Variants in GRAMD2B observed in about 807,000 individuals in gnomAD.
The protein encoded by GRAMD2B is GRAM domain containing 2B.
GRAMD2B carries 41 observed loss-of-function variants against 59.2 expected under a neutral mutation model. That is an observed-to-expected ratio of 0.69 (90% CI 0.54 to 0.90). The LOEUF (loss-of-function observed/expected upper bound fraction) is 0.90, where lower values mean the gene tolerates loss of function less well. Ranked by LOEUF, GRAMD2B falls within the 40% of genes least tolerant of loss-of-function variation. The pLI is 0.00. For synonymous variants in GRAMD2B, 161 were observed against 182.7 expected (o/e 0.88, Z 0.96); for missense variants, 424 against 500.5 (o/e 0.85, Z 1.46).
At chr5:126,473,025 G>GTACAATGGT (rs1443291420) in intron 4 of GRAMD2B, among the ~76,000 whole-genome samples, 1 of 152,170 alleles carries the variant, frequency 6.6e-6, no homozygotes, top group Non-Finnish European at 1.5e-5. Flanking sequence ...GGTCTCTCAG[G>GTACAATGGT]TACAATGGTA....
chr5:126,431,278 C>T (rs1761538322), intron 1 of GRAMD2B, among the ~76,000 whole-genome samples: 1 of 152,144 alleles, frequency 6.6e-6, no homozygotes, highest in Non-Finnish European at 1.5e-5. Context: ...AGTGTGATCA[C>T]ACAGTATCTG....
At chr5:126,411,119 C>T (rs1347451354) in intron 1 of GRAMD2B, among the ~76,000 whole-genome samples, 1 of 151,760 alleles carries the variant, frequency 6.6e-6, no homozygotes, top group Admixed American at 6.6e-5. Context: ...TTAGGTCCCT[C>T]TTGTCAATTT....
chr5:126,452,499 A>C (rs1277769411), intron 1 of GRAMD2B, among the ~76,000 whole-genome samples: 1 of 152,160 alleles, frequency 6.6e-6, no homozygotes, highest in Admixed American at 6.5e-5. Flanking sequence ...TTTTCTCCTG[A>C]GTATCAGGTT....
intron 1 of GRAMD2B, among the ~76,000 whole-genome samples, chr5:126,436,947 G>A (rs1762512729): frequency 1.3e-5 from 2 of 152,192 alleles, no homozygotes; most frequent in Non-Finnish European, 1.5e-5. Context: ...ACAGCCAGGT[G>A]ACTATTAAGA....
chr5:126,433,432 G>A lies in GRAMD2B; in HGVS notation c.83+9743G>A, dbSNP rs537492926. 11 of 152,296 alleles carry A rather than the reference G, an allele frequency of 7.2e-5. No individual in the cohort carries two copies. The East Asian group carries it at 1.2e-3, about 16-fold the overall frequency. 9.4% of individuals were successfully genotyped at this position (152,296 alleles called of 1,614,324 possible). ...AGAAGACAAAGTAACTCCCATTAAA[G>A]TCTGTGCATCCCTGCGTAGCTCTCT... On this transcript the variant is annotated intron_variant, in intron 1 of 13. Coordinates refer to ENST00000285689, the MANE Select transcript of GRAMD2B (RefSeq NM_023927.4).
chr5:126,394,957 T>G (rs1384742816), intron 1 of GRAMD2B, among the ~76,000 whole-genome samples: 3 of 152,202 alleles, frequency 2.0e-5, no homozygotes, highest in African/African-American at 7.2e-5. Flanking sequence ...TATTGAAATT[T>G]GGGCATTAAA....
chr5:126,484,694 G>A (rs1199728769), intron 10 of GRAMD2B, among the ~76,000 whole-genome samples, 170 bp downstream of exon 10: 3 of 151,480 alleles, frequency 2.0e-5, no homozygotes, highest in Admixed American at 6.6e-5. Flanking sequence ...AGCGATTCTC[G>A]TACCTCAGCC....
chr5:126,393,251 G>C (rs1214858959), intron 1 of GRAMD2B, among the ~76,000 whole-genome samples: 1 of 151,852 alleles, frequency 6.6e-6, no homozygotes, highest in Non-Finnish European at 1.5e-5. Context: ...TCAAATCACT[G>C]TAAAAATTGT....
Position 126,365,281 on chromosome 5 carries a change from T to A in GRAMD2B, c.128+4822T>A, listed in dbSNP as rs188914020. ...AACTGACTAAAATAGTAAATTTATG[T>A]TATGTATCCCTTAGGCCAGTAAAAT... On this transcript the variant is annotated intron_variant, in intron 1 of 13. Coordinates refer to the GRAMD2B transcript ENST00000513040. Among the ~76,000 whole-genome samples, 668 of 152,298 alleles carry A rather than the reference T, an allele frequency of 4.4e-3. 5 individuals are homozygous for A. The highest frequency in any genetic ancestry group is 7.5e-3 in the Non-Finnish European group (511 of 68,016).
intron 1 of GRAMD2B, among the ~76,000 whole-genome samples, chr5:126,392,060 C>G (rs547101272): frequency 1.3e-5 from 2 of 152,176 alleles, no homozygotes; most frequent in African/African-American, 4.8e-5. Flanking sequence ...GACTGACATG[C>G]CTTTGCTAAA....
intron 1 of GRAMD2B, among the ~76,000 whole-genome samples, chr5:126,399,813 AT>A (rs1757672596): frequency 6.6e-6 from 1 of 152,032 alleles, no homozygotes. Context: ...TTTGGTTACC[AT>A]TTGCATGAAA....
rs1223424792 is a variant in GRAMD2B at position 126,423,643 on chromosome 5, C to T, written c.37C>T (p.Pro13Ser). 3.1e-6 allele frequency: 5 copies of T among 1,609,166 alleles called. 1 individual carries two copies. The East Asian group carries it at 1.1e-4, about 36-fold the overall frequency. ...ELQQDVEDTK[P>S]AKVLGKRESK... ...ACAGCAAGATGTGGAAGACACAAAGCCTGCGAAAGTGCTCGGGAAGAGGGA... is the reference window on the plus strand; with the variant it reads ...ACAGCAAGATGTGGAAGACACAAAGTCTGCGAAAGTGCTCGGGAAGAGGGA... Residue 13 changes from proline to serine, a missense_variant, in exon 1 of 14, where the codon CCT becomes TCT. Pro to Ser is a moderately conservative substitution (Grantham distance 74). Coordinates refer to ENST00000285689, the MANE Select transcript of GRAMD2B (RefSeq NM_023927.4).
intron 1 of GRAMD2B, 46 bp from the exon 2 acceptor site, chr5:126,465,380 C>T (rs375803855): frequency 1.3e-4 from 217 of 1,610,372 alleles, no homozygotes; most frequent in Non-Finnish European, 1.7e-4. Flanking sequence ...CTTCCAGCTA[C>T]CTCTCTCTGA....
At chr5:126,385,141 A>C (rs1756010367) in intron 1 of GRAMD2B, among the ~76,000 whole-genome samples, 1 of 152,166 alleles carries the variant, frequency 6.6e-6, no homozygotes, top group Non-Finnish European at 1.5e-5. Flanking sequence ...AGCTCAGCAG[A>C]ACATTCAGGG....
intron 2 of GRAMD2B, among the ~76,000 whole-genome samples, chr5:126,467,865 T>G (rs1034596315): frequency 6.6e-6 from 1 of 152,192 alleles, no homozygotes; most frequent in Non-Finnish European, 1.5e-5. Flanking sequence ...TACACTGTAG[T>G]GGCTAGAAGA....
intron 1 of GRAMD2B, among the ~76,000 whole-genome samples, chr5:126,414,437 G>A (rs565760919): frequency 1.3e-5 from 2 of 152,210 alleles, no homozygotes; most frequent in South Asian, 4.1e-4. Flanking sequence ...TTAACACACA[G>A]TGAAATGTTC....
intron 1 of GRAMD2B, among the ~76,000 whole-genome samples, chr5:126,409,102 GGGT>G: frequency 1.3e-5 from 2 of 151,604 alleles, no homozygotes; most frequent in Non-Finnish European, 2.9e-5. Flanking sequence ...TTGGACATTT[GGGT>G]TGGTTCCAAG....
intron 5 of GRAMD2B, among the ~76,000 whole-genome samples, chr5:126,474,929 T>C (rs1581210286): frequency 4.6e-5 from 7 of 152,300 alleles, no homozygotes; most frequent in Admixed American, 3.9e-4. Flanking sequence ...GTATGTTCCA[T>C]CCCTTCTAAG....
At chr5:126,437,630 A>C (rs1762625135) in intron 1 of GRAMD2B, among the ~76,000 whole-genome samples, 2 of 152,244 alleles carry the variant, frequency 1.3e-5, no homozygotes, top group Non-Finnish European at 2.9e-5. Context: ...GGTGATGGGA[A>C]ATAAACAGAA....
Sources: allele counts gnomAD v4.1 joint callset (sites outside exome capture counted in the v4.1 genomes callset), GRCh38; gene constraint gnomAD v4.1.1; transcripts MANE v1.5; gene names NCBI Gene and HGNC (gene_info 2026-07-23, HGNC 2026-07-21).